PRRC2C: variants seen among roughly 807,000 people sequenced by gnomAD.
PRRC2C encodes proline rich coiled-coil 2C.
A neutral mutation model predicts 317.2 loss-of-function variants in PRRC2C; 72 were observed. The ratio of observed to expected loss-of-function variants is 0.23; its 90% CI spans 0.19 to 0.28. PRRC2C has a LOEUF of 0.28. PRRC2C is among the 10% of genes least tolerant of loss of function. The probability of loss-of-function intolerance (pLI) is 1.00; values close to 1 mark genes in which losing one functional copy is unlikely to be tolerated. For missense variants in PRRC2C, 3,074 were observed against 3,459.7 expected (o/e 0.89, Z 2.80); for synonymous variants, 1,296 against 1,205.9 (o/e 1.07, Z -1.55).
At chr1:171,504,879 A>AATTGACATCTTAAT (rs144619858) in intron 1 of PRRC2C, among the ~76,000 whole-genome samples, 4,352 of 152,152 alleles carry the variant, frequency 0.029, 195 homozygotes, top group African/African-American at 0.098. Context: ...ACTTGAAAAT[A>AATTGACATCTTAAT]ATTGACATCT....
chr1:171,550,347 A>C (rs1679950354), intron 18 of PRRC2C, 107 bp downstream of exon 18: 2 of 1,006,528 alleles, frequency 2.0e-6, no homozygotes, highest in South Asian at 5.5e-5. Flanking sequence ...TTCATTATTC[A>C]AGTGTTAAAA....
In PRRC2C at chr1:171,540,630, C is replaced by G; in HGVS notation, c.3164C>G (p.Thr1055Arg). ...TEKVVVKPEK[T>R]EKKDLPPPPP... Reference sequence around the variant, plus strand: ...AAAGTAGTTGTAAAGCCTGAAAAGACGGAAAAGAAGGATCTTCCTCCTCCC... The same window carrying G: ...AAAGTAGTTGTAAAGCCTGAAAAGAGGGAAAAGAAGGATCTTCCTCCTCCC... The change falls in exon 16 of 35, where the codon ACG becomes AGG. Residue 1055 changes from threonine to arginine, a missense_variant. By Grantham distance (71) the Thr-to-Arg change is moderately conservative (BLOSUM62 -1). Around this residue, in one of 11 missense-constraint regions of PRRC2C, gnomAD observed 1,320 missense variants for 1,395.7 expected, o/e 0.95. Coordinates refer to ENST00000647382, the MANE Select transcript of PRRC2C (RefSeq NM_001387844.1). 1 of 1,613,908 alleles carries G rather than the reference C, an allele frequency of 6.2e-7. No individual in the cohort carries two copies. The highest frequency in any genetic ancestry group is 1.3e-5 in the African/African-American group (1 of 75,036).
chr1:171,568,821 A>T (rs989557661), intron 23 of PRRC2C, among the ~76,000 whole-genome samples: 17 of 151,298 alleles, frequency 1.1e-4, no homozygotes, highest in Non-Finnish European at 2.1e-4. Context: ...TGTTAACAAC[A>T]TTCTTGTTGT....
At chr1:171,512,259 T>C (rs1158917957) in intron 2 of PRRC2C, 59 bp downstream of exon 2, 2 of 1,187,792 alleles carry the variant, frequency 1.7e-6, no homozygotes, top group South Asian at 1.3e-5. Flanking sequence ...CTATAAGTGA[T>C]ACACCTGCTG....
intron 1 of PRRC2C, among the ~76,000 whole-genome samples, chr1:171,507,976 T>A (rs762214266): frequency 6.6e-6 from 1 of 152,234 alleles, no homozygotes; most frequent in Non-Finnish European, 1.5e-5. Flanking sequence ...GAAATGCAAC[T>A]GATTTTTTGT....
chr1:171,520,119 C>A (rs1047546505), intron 6 of PRRC2C, among the ~76,000 whole-genome samples: 17 of 152,146 alleles, frequency 1.1e-4, no homozygotes, highest in Non-Finnish European at 1.9e-4. Context: ...CACGCCATCA[C>A]GCCCAGCTAA....
At chr1:171,537,119 C>G in intron 14 of PRRC2C, 144 bp from the exon 15 acceptor site, 1 of 620,816 alleles carries the variant, frequency 1.6e-6, no homozygotes, top group South Asian at 2.2e-5. Flanking sequence ...ATAATTTCCA[C>G]CAATCTTTTA....
At chr1:171,583,147 A>T (rs1281071796) in intron 28 of PRRC2C, among the ~76,000 whole-genome samples, 5 of 151,674 alleles carry the variant, frequency 3.3e-5, no homozygotes, top group Non-Finnish European at 7.4e-5. Flanking sequence ...CTAATTTTTT[A>T]TTTTTTTGTA....
chr1:171,497,326 G>A (rs1668307781), intron 1 of PRRC2C, among the ~76,000 whole-genome samples: 1 of 152,112 alleles, frequency 6.6e-6, no homozygotes, highest in Non-Finnish European at 1.5e-5. Flanking sequence ...AGTCAGCCTG[G>A]ATTTAATCTT....
Position 171,557,597 on chromosome 1 carries a change from G to A in PRRC2C, c.5485G>A (p.Ala1829Thr). 1 of 1,551,644 alleles carries A rather than the reference G, an allele frequency of 6.4e-7. No homozygotes were observed. Among genetic ancestry groups the A allele is most frequent in the Non-Finnish European group, 8.7e-7 (1 of 1,146,980 alleles). The change falls in exon 19 of 35, where the codon GCT becomes ACT. Residue 1829 changes from alanine to threonine, a missense_variant. Physicochemically the swap from Ala to Thr is moderately conservative, Grantham distance 58. Around this residue, in one of 11 missense-constraint regions of PRRC2C, gnomAD observed 640 missense variants for 676.1 expected, o/e 0.95. Transcript: ENST00000647382. ...ASVPASTSAA[A>T]ITSSSAPASA... ...AGTTCCAGCCTCTACTTCAGCTGCAGCTATAACCTCTTCTTCAGCTCCAGC... is the reference window on the plus strand; with the variant it reads ...AGTTCCAGCCTCTACTTCAGCTGCAACTATAACCTCTTCTTCAGCTCCAGC...
rs750695732 is a variant in PRRC2C, at chr1:171,592,197, C to T, written c.*350C>T. The T allele has an allele frequency of 1.5e-5, 3 of 199,940 alleles. No individual in the cohort carries two copies. The highest frequency in any genetic ancestry group is 2.0e-5 in the Non-Finnish European group (2 of 98,410). 12.4% of individuals were successfully genotyped at this position (199,940 alleles called of 1,614,324 possible). A position where few individuals can be genotyped will look rare whatever the true frequency, so the allele number is the denominator to read the frequency against. On this transcript the variant is annotated 3_prime_UTR_variant, in exon 35 of 35. Transcript: ENST00000647382. ...AACACCAAAAATATAAGGAAAATAA[C>T]ACAGCAGAGGAATAGCTCAGCCTGA...
chr1:171,513,429 C>CT, intron 3 of PRRC2C: 1 of 557,714 alleles, frequency 1.8e-6, no homozygotes, highest in Non-Finnish European at 3.4e-6. Flanking sequence ...AGGCTCCCCG[C>CT]TTTCATACTA....
intron 6 of PRRC2C, among the ~76,000 whole-genome samples, chr1:171,519,244 A>G (rs1332014560): frequency 6.6e-6 from 1 of 152,210 alleles, no homozygotes; most frequent in Non-Finnish European, 1.5e-5. Flanking sequence ...AAATATTTTA[A>G]GTTCTATTTT....
At position 171,541,593 on chromosome 1, in the gene PRRC2C, A is replaced by G. The variant is rs1438750593; in HGVS notation, c.4127A>G (p.Gln1376Arg). 2.5e-6 allele frequency: 4 copies of G among 1,613,734 alleles called. No individual in the cohort carries two copies. The highest frequency in any genetic ancestry group is 1.7e-5 in the Admixed American group (1 of 59,990). Residue 1376 changes from glutamine to arginine, a missense_variant, in exon 16 of 35, where the codon CAG (glutamine) becomes CGG (arginine). Physicochemically the swap from Gln to Arg is conservative, Grantham distance 43 (BLOSUM62 1). Coordinates refer to ENST00000647382, the MANE Select transcript of PRRC2C (RefSeq NM_001387844.1). This position sits in a 1 kb window ranked among gnomAD's most constrained non-coding sequence, Gnocchi z 4.1. ...CGAAGACCAGCTTATCGGGACAATC[A>G]GTGGAACCCAAGGCAGTCAGAAGTT... ...TLRRPAYRDNQWNPRQSEVPK... is the reference protein window; with the variant it reads ...TLRRPAYRDNRWNPRQSEVPK...
At chr1:171,568,623 T>C (rs1012841647) in intron 23 of PRRC2C, among the ~76,000 whole-genome samples, 2 of 152,206 alleles carry the variant, frequency 1.3e-5, no homozygotes, top group Admixed American at 1.3e-4. Flanking sequence ...CTGGTATTGG[T>C]AAGAAGTTGT....
At position 171,584,107 on chromosome 1, in the gene PRRC2C, A is replaced by G. The variant is rs1423337450; in HGVS notation, c.7561A>G (p.Ile2521Val). 1.2e-6 allele frequency: 2 copies of G among 1,614,004 alleles called. No individual in the cohort carries two copies. Among genetic ancestry groups the G allele is most frequent in the South Asian group, 1.1e-5 (1 of 91,084 alleles). The change falls in exon 29 of 35, where the codon ATT becomes GTT. Residue 2521 changes from isoleucine (I) to valine (V), a missense_variant. By Grantham distance (29) the Ile-to-Val change is conservative. This residue lies in a region of PRRC2C where 490 missense variants were observed against 663.1 expected (regional missense o/e 0.74). Transcript: ENST00000647382. ...AFQQTSNTQP[I>V]PILYEHQLGQ... ...TCAGCAAACATCAAATACTCAGCCC[A>G]TTCCTATATTGTATGAACATCAACT...
Position 171,584,545 on chromosome 1 carries a change from A to G in PRRC2C, c.7749+19A>G. 1.3e-6 allele frequency: 2 copies of G among 1,522,140 alleles called. No individual in the cohort carries two copies. 94.3% of individuals were successfully genotyped at this position (1,522,140 alleles called of 1,614,324 possible). A position where few individuals can be genotyped will look rare whatever the true frequency, so the allele number is the denominator to read the frequency against. ...CCAGCAGGTAAACTATGGCATGGTA[A>G]ATTTCCTCAATTTTCTTTATTATTA... On this transcript the variant is annotated intron_variant, in intron 30 of 34. Transcript: ENST00000647382.
chr1:171,523,617 G>A (rs1674005237), intron 9 of PRRC2C, 95 bp downstream of exon 9: 1 of 1,062,888 alleles, frequency 9.4e-7, no homozygotes, highest in Non-Finnish European at 1.4e-6. Flanking sequence ...ACAATTGTTT[G>A]TTATTTGTAG....
intron 20 of PRRC2C, among the ~76,000 whole-genome samples, chr1:171,564,300 T>C (rs990759246): frequency 2.0e-5 from 3 of 152,230 alleles, no homozygotes; most frequent in Non-Finnish European, 1.5e-5. Flanking sequence ...CTTTGTGTTA[T>C]GTATATTTCA....
Sources: allele counts gnomAD v4.1 joint callset (sites outside exome capture counted in the v4.1 genomes callset), GRCh38; gene constraint gnomAD v4.1.1; regional missense constraint gnomAD v4.1.1; non-coding constraint Gnocchi (gnomAD v3.1); transcripts MANE v1.5; gene names NCBI Gene and HGNC (gene_info 2026-07-23, HGNC 2026-07-21).